Variants in DNAJC12 observed in about 807,000 individuals in gnomAD.
DNAJC12 encodes dnaJ homolog subfamily C member 12.
DNAJC12 carries 25 observed loss-of-function variants against 28.5 expected under a neutral mutation model. The observed-to-expected ratio is 0.88, with a 90% CI of 0.64 to 1.22. The LOEUF (loss-of-function observed/expected upper bound fraction) is 1.22. Ranked by LOEUF, DNAJC12 falls within the 50% of genes most tolerant of loss-of-function variation. DNAJC12 has a pLI of 0.00. For missense variants in DNAJC12, 222 were observed against 231.7 expected (o/e 0.96, Z 0.27); for synonymous variants, 77 against 80.6 (o/e 0.95, Z 0.24).
At chr10:67,819,765 AGGAAGGAAGGAAGG>A (rs61278731) in intron 2 of DNAJC12, among the ~76,000 whole-genome samples, 1,407 of 18,812 alleles carry the variant, frequency 0.075, 127 homozygotes, top group South Asian at 0.15. Context: ...GAAGGAAGGA[AGGAAGGAAGGAAGG>A]GGAAGGAAGG....
chr10:67,806,653 C>T (rs1215678607), intron 3 of DNAJC12, among the ~76,000 whole-genome samples: 5 of 152,030 alleles, frequency 3.3e-5, no homozygotes, highest in Admixed American at 2.6e-4. Flanking sequence ...GGTGAAACCA[C>T]GTCTCTACTA....
At chr10:67,815,473 G>A (rs546379482) in intron 2 of DNAJC12, among the ~76,000 whole-genome samples, 22 of 131,182 alleles carry the variant, frequency 1.7e-4, no homozygotes, top group Non-Finnish European at 2.4e-4. Flanking sequence ...ACACCATTGC[G>A]CTCCAGCCTG....
At chr10:67,825,009 A>T (rs1842016152) in intron 1 of DNAJC12, among the ~76,000 whole-genome samples, 1 of 152,182 alleles carries the variant, frequency 6.6e-6, no homozygotes, top group African/African-American at 2.4e-5. Context: ...TGCTGGAATT[A>T]TAGGCGTGAG....
intron 1 of DNAJC12, among the ~76,000 whole-genome samples, chr10:67,824,752 G>C (rs1842012943): frequency 6.6e-6 from 1 of 150,992 alleles, no homozygotes; most frequent in East Asian, 1.9e-4. Flanking sequence ...TTTTATTTTT[G>C]AGACAGAGTC....
chr10:67,826,203 C>T (rs1264714265), intron 1 of DNAJC12, among the ~76,000 whole-genome samples: 3 of 150,362 alleles, frequency 2.0e-5, no homozygotes, highest in Admixed American at 6.6e-5. Context: ...GGTGCCATCT[C>T]GGTTCACTGC....
At chr10:67,818,795 A>T (rs1841941095) in intron 2 of DNAJC12, among the ~76,000 whole-genome samples, 1 of 151,916 alleles carries the variant, frequency 6.6e-6, no homozygotes, top group South Asian at 2.1e-4. Context: ...AGCTGGGATT[A>T]CAGGCATGTG....
At chr10:67,819,120 T>C (rs981465565) in intron 2 of DNAJC12, among the ~76,000 whole-genome samples, 2 of 147,740 alleles carry the variant, frequency 1.4e-5, no homozygotes, top group Non-Finnish European at 3.0e-5. Flanking sequence ...GATCACGAGG[T>C]CAGGAGATTG....
At chr10:67,826,236 G>C (rs1344104932) in intron 1 of DNAJC12, among the ~76,000 whole-genome samples, 1 of 150,774 alleles carries the variant, frequency 6.6e-6, no homozygotes, top group Non-Finnish European at 1.5e-5. Flanking sequence ...CTGGGCTCAA[G>C]CAATCCTCCC....
chr10:67,835,271 T>A (rs941809175), intron 1 of DNAJC12, among the ~76,000 whole-genome samples: 1 of 152,156 alleles, frequency 6.6e-6, no homozygotes, highest in African/African-American at 2.4e-5. Context: ...TCTGGTTAAT[T>A]TTAGAGCATC....
chr10:67,826,450 A>T (rs529586917), intron 1 of DNAJC12, among the ~76,000 whole-genome samples: 1 of 98,750 alleles, frequency 1.0e-5, no homozygotes, highest in South Asian at 2.9e-4. Context: ...TGCACTTTTA[A>T]TGCATATATA....
intron 1 of DNAJC12, among the ~76,000 whole-genome samples, chr10:67,835,003 A>G (rs1398988799): frequency 2.6e-5 from 4 of 152,134 alleles, no homozygotes; most frequent in South Asian, 2.1e-4. Flanking sequence ...GCTTGTTTTC[A>G]TGGTTGTATT....
chr10:67,826,922 TA>T (rs1842042105), intron 1 of DNAJC12, among the ~76,000 whole-genome samples: 1 of 141,252 alleles, frequency 7.1e-6, no homozygotes, highest in Non-Finnish European at 1.5e-5. Flanking sequence ...TGATATATAA[TA>T]TATATATCAT....
At chr10:67,816,069 A>G in intron 2 of DNAJC12, 1 of 398,480 alleles carries the variant, frequency 2.5e-6, no homozygotes, top group Non-Finnish European at 4.4e-6. Context: ...CTCATTTTGT[A>G]AGCTTATAGG....
At chr10:67,825,997 A>G (rs1842025343) in intron 1 of DNAJC12, among the ~76,000 whole-genome samples, 1 of 152,190 alleles carries the variant, frequency 6.6e-6, no homozygotes, top group South Asian at 2.1e-4. Context: ...TTAAATTAGT[A>G]AGTCATTTAT....
At chr10:67,823,640 G>GTA (rs1842001855) in intron 1 of DNAJC12, among the ~76,000 whole-genome samples, 1 of 151,790 alleles carries the variant, frequency 6.6e-6, no homozygotes, top group Non-Finnish European at 1.5e-5. Flanking sequence ...GTTCAAGGCT[G>GTA]TAGTAAGCTA....
chr10:67,825,578 CAT>C (rs1326799860), intron 1 of DNAJC12: 3 of 152,340 alleles, frequency 2.0e-5, no homozygotes, highest in African/African-American at 4.8e-5. Flanking sequence ...AGATTACAGA[CAT>C]GTGTCACCAC....
chr10:67,825,429 C>G (rs1356508454), intron 1 of DNAJC12: 1 of 152,364 alleles, frequency 6.6e-6, no homozygotes, highest in African/African-American at 2.4e-5. Flanking sequence ...CAGGTTCACC[C>G]CTCCTTAGGC....
At chr10:67,823,988 T>A (rs7100606) in intron 1 of DNAJC12, among the ~76,000 whole-genome samples, 110,977 of 151,952 alleles carry the variant, frequency 0.73, 41,315 homozygotes, top group Non-Finnish European at 0.8. Flanking sequence ...CTGTAATCCT[T>A]GCACTTTGGG....
rs1159430079 is a variant in DNAJC12 at position 67,836,108 on chromosome 10, A to G, written c.78+1826T>C. Among the ~76,000 whole-genome samples the G allele has an allele frequency of 4.6e-5, 7 of 152,134 alleles. 1 individual carries two copies. In the East Asian group the frequency reaches 1.3e-3, roughly 29 times the overall value. On this transcript the variant is annotated intron_variant, in intron 1 of 4. Transcript: ENST00000225171. Reference sequence around the variant, plus strand: ...CAAACTAACACAGGAACAGAAAACCAAACACCACATGTTCTCACTCATAAG... The same window carrying G: ...CAAACTAACACAGGAACAGAAAACCGAACACCACATGTTCTCACTCATAAG...
Sources: gnomAD v4.1 joint callset for allele counts (sites outside exome capture counted in the v4.1 genomes callset) on GRCh38, gnomAD v4.1.1 for gene constraint, MANE v1.5 for transcripts, NCBI Gene and HGNC (gene_info 2026-07-23, HGNC 2026-07-21) for gene names.